Variants in RAB3C observed in about 807,000 individuals in gnomAD.
The protein encoded by RAB3C is ras-related protein Rab-3C.
A neutral mutation model predicts 26.4 loss-of-function variants in RAB3C; 17 were observed. The observed-to-expected ratio is 0.64, with a 90% CI of 0.44 to 0.97. The LOEUF (loss-of-function observed/expected upper bound fraction) is 0.97, where lower values mean the gene tolerates loss of function less well. Among genes scored for constraint, RAB3C ranks in the 50% least tolerant of loss-of-function variants. The pLI, the probability that RAB3C is intolerant of heterozygous loss-of-function variation, is 0.00. For synonymous variants in RAB3C, 91 were observed against 95.9 expected, an observed-to-expected ratio of 0.95 and a Z score of 0.30; for missense variants, 242 against 281.9, an observed-to-expected ratio of 0.86 and a Z score of 1.01.
In RAB3C at chr5:58,858,213, GAAT is replaced by G. The variant is rs1247856679; in HGVS notation, c.*6863_*6865del. On this transcript the variant is annotated 3_prime_UTR_variant, in exon 5 of 5. Transcript: ENST00000282878. ...GGTCTATGTGGGTGATATGTGGCCT[GAAT>G]GTAACTGTGATAGACTGAAATTTGT... The G allele has an allele frequency of 6.6e-6, 1 of 152,192 alleles. No homozygotes were observed. Among genetic ancestry groups the G allele is most frequent in the East Asian group, 1.9e-4 (1 of 5,192 alleles). 9.4% of individuals were successfully genotyped at this position (152,192 alleles called of 1,614,324 possible). A position where few individuals can be genotyped will look rare whatever the true frequency, so the allele number is the denominator to read the frequency against.
At chr5:58,794,894 C>T (rs866831852) in intron 3 of RAB3C, among the ~76,000 whole-genome samples, 64 of 152,290 alleles carry the variant, frequency 4.2e-4, no homozygotes, top group African/African-American at 1.5e-3. Flanking sequence ...TTCTGTGGAG[C>T]CCAGGAATCT....
At chr5:58,679,527 G>A (rs140552140) in intron 2 of RAB3C, among the ~76,000 whole-genome samples, 174 of 152,232 alleles carry the variant, frequency 1.1e-3, no homozygotes, top group African/African-American at 4.0e-3. Context: ...TGTAGATCAA[G>A]GGCCTTCACC....
intron 1 of RAB3C, among the ~76,000 whole-genome samples, chr5:58,608,630 C>T (rs899197451): frequency 5.3e-5 from 8 of 152,150 alleles, no homozygotes; most frequent in African/African-American, 1.9e-4. Context: ...AACAGTGTGG[C>T]AGTTCCTCAA....
chr5:58,767,054 G>A lies in RAB3C; in HGVS notation c.371+40934G>A, dbSNP rs1363336. On this transcript the variant is annotated intron_variant, in intron 3 of 4. Coordinates refer to ENST00000282878, the MANE Select transcript of RAB3C (RefSeq NM_138453.4). ...AGACAGGGGCTGTCAAACCTCTGCC[G>A]TGAAAATCATCACCCTGTGGACAGA... Among the ~76,000 whole-genome samples, 1,228 of 152,280 alleles carry A rather than the reference G, an allele frequency of 8.1e-3. 22 individuals are homozygous for A. Among genetic ancestry groups the A allele is most frequent in the African/African-American group, 0.027 (1,127 of 41,556 alleles).
intron 2 of RAB3C, among the ~76,000 whole-genome samples, chr5:58,712,154 T>G (rs1324066010): frequency 6.6e-6 from 1 of 152,172 alleles, no homozygotes; most frequent in African/African-American, 2.4e-5. Context: ...GTTTTTTCTC[T>G]GATTTCTCTA....
At chr5:58,851,105 T>C (rs1449529766) in intron 4 of RAB3C, 59 bp from the exon 5 acceptor site, 11 of 1,491,134 alleles carry the variant, frequency 7.4e-6, no homozygotes, top group African/African-American at 1.4e-5. Flanking sequence ...CATAATCAAG[T>C]CCCATTTAAT....
At chr5:58,770,265 C>A (rs1056347344) in intron 3 of RAB3C, among the ~76,000 whole-genome samples, 4 of 152,126 alleles carry the variant, frequency 2.6e-5, no homozygotes, top group African/African-American at 7.2e-5. Context: ...AAAGGAGTTA[C>A]TATCTATAAC....
intron 2 of RAB3C, among the ~76,000 whole-genome samples, chr5:58,684,619 G>T (rs1312706596): frequency 6.6e-6 from 1 of 152,150 alleles, no homozygotes; most frequent in Non-Finnish European, 1.5e-5. Context: ...TCTTAATGGA[G>T]GCCATTTTCA....
chr5:58,803,247 C>A (rs1430727309), intron 3 of RAB3C, among the ~76,000 whole-genome samples: 2 of 152,172 alleles, frequency 1.3e-5, no homozygotes, highest in Non-Finnish European at 2.9e-5. Flanking sequence ...GTCAGAAGCA[C>A]TAAACTGGCA....
chr5:58,722,524 G>A (rs982273928), intron 2 of RAB3C, among the ~76,000 whole-genome samples: 33 of 151,658 alleles, frequency 2.2e-4, no homozygotes, highest in Non-Finnish European at 4.1e-4. Flanking sequence ...TGGAAAATAC[G>A]AACCCAAGCC....
intron 4 of RAB3C, among the ~76,000 whole-genome samples, chr5:58,825,763 A>G (rs945427720): frequency 3.3e-5 from 5 of 152,218 alleles, no homozygotes; most frequent in Non-Finnish European, 7.3e-5. Context: ...TTCAAACACA[A>G]AACATTGTAT....
At chr5:58,836,957 T>C (rs770056559) in intron 4 of RAB3C, among the ~76,000 whole-genome samples, 10 of 152,220 alleles carry the variant, frequency 6.6e-5, no homozygotes, top group Non-Finnish European at 1.3e-4. Flanking sequence ...GACACCTTCA[T>C]ACTGTTCTCC....
chr5:58,677,796 T>C (rs868810033), intron 2 of RAB3C, among the ~76,000 whole-genome samples: 11 of 152,210 alleles, frequency 7.2e-5, no homozygotes, highest in African/African-American at 2.7e-4. Context: ...ATAGCTGCAG[T>C]GATCTGAAAG....
chr5:58,596,768 A>C (rs1226396656), intron 1 of RAB3C, among the ~76,000 whole-genome samples: 8 of 103,494 alleles, frequency 7.7e-5, no homozygotes, highest in African/African-American at 2.4e-4. Context: ...ATAAATATAT[A>C]ATATATAATA....
intron 3 of RAB3C, among the ~76,000 whole-genome samples, chr5:58,750,909 C>T (rs1741508102): frequency 6.6e-6 from 1 of 151,970 alleles, no homozygotes; most frequent in Admixed American, 6.6e-5. Flanking sequence ...GGCTGGAATG[C>T]AGTGGCGTGA....
intron 3 of RAB3C, among the ~76,000 whole-genome samples, chr5:58,726,385 GTGC>G (rs1356042681): frequency 3.3e-5 from 5 of 151,948 alleles, no homozygotes; most frequent in Non-Finnish European, 7.4e-5. Context: ...ATGGAAACTA[GTGC>G]ATTGCTTTTG....
At chr5:58,642,848 G>A (rs1747437165) in intron 2 of RAB3C, among the ~76,000 whole-genome samples, 1 of 152,196 alleles carries the variant, frequency 6.6e-6, no homozygotes, top group Non-Finnish European at 1.5e-5. Flanking sequence ...ACTATTTTAT[G>A]TAAAGTAAGG....
intron 2 of RAB3C, among the ~76,000 whole-genome samples, chr5:58,703,069 C>A (rs181884536): frequency 6.6e-6 from 1 of 152,060 alleles, no homozygotes; most frequent in Non-Finnish European, 1.5e-5. Flanking sequence ...ATGTAAATAA[C>A]GTTTAATAAA....
chr5:58,791,897 A>C (rs1446304168), intron 3 of RAB3C, among the ~76,000 whole-genome samples: 1 of 152,234 alleles, frequency 6.6e-6, no homozygotes, highest in African/African-American at 2.4e-5. Context: ...TATTTTTGGC[A>C]CTGGCCTTCC....
Sources: allele counts gnomAD v4.1 joint callset (sites outside exome capture counted in the v4.1 genomes callset), GRCh38; gene constraint gnomAD v4.1.1; transcripts MANE v1.5; gene names NCBI Gene and HGNC (gene_info 2026-07-23, HGNC 2026-07-21).